Variants in ZC4H2 observed in about 807,000 individuals in gnomAD.
The protein encoded by ZC4H2 is zinc finger C4H2 domain-containing protein.
For synonymous variants in ZC4H2, 84 were observed against 66.3 expected (o/e 1.27, Z -1.30); for missense variants, 137 against 173.9 (o/e 0.79, Z 1.19).
intron 1 of ZC4H2, among the ~76,000 whole-genome samples, chrX:64,950,701 T>C (rs1490001692): frequency 1.8e-5 from 2 of 111,214 alleles, no homozygotes; most frequent in South Asian, 3.8e-4. Context: ...ATTTGCTTGG[T>C]AGATCTTCCT....
At chrX:64,927,538 G>A (rs775065365) in intron 1 of ZC4H2, among the ~76,000 whole-genome samples, 67 of 112,001 alleles carry the variant, frequency 6.0e-4, no homozygotes, top group African/African-American at 2.1e-3. Flanking sequence ...TTACTGATGG[G>A]CATTTGGGTT....
intron 1 of ZC4H2, among the ~76,000 whole-genome samples, chrX:64,994,793 C>T (rs1266951337): frequency 9.0e-6 from 1 of 111,227 alleles, no homozygotes; most frequent in Admixed American, 9.6e-5. Flanking sequence ...TAATCCTAGT[C>T]CCTTATTTGT....
chrX:65,013,488 G>T (rs1932777938), intron 1 of ZC4H2, among the ~76,000 whole-genome samples: 1 of 111,249 alleles, frequency 9.0e-6, no homozygotes, highest in African/African-American at 3.3e-5. Flanking sequence ...CTTGCTAGCA[G>T]ACTCTCTTTA....
At chrX:64,990,497 G>T (rs1401321160) in intron 1 of ZC4H2, among the ~76,000 whole-genome samples, 1 of 111,400 alleles carries the variant, frequency 9.0e-6, no homozygotes, top group Non-Finnish European at 1.9e-5. Flanking sequence ...TTCTGCAAGG[G>T]GTTACTATTG....
intron 3 of ZC4H2, 162 bp from the exon 4 acceptor site, chrX:64,919,366 C>T (rs1929078493): frequency 1.9e-6 from 1 of 513,557 alleles, no homozygotes; most frequent in Non-Finnish European, 3.1e-6. Context: ...GTACTAGGCC[C>T]AATGTCTGAT....
At chrX:64,984,550 C>T (rs988954331) in intron 1 of ZC4H2, among the ~76,000 whole-genome samples, 6 of 111,215 alleles carry the variant, frequency 5.4e-5, no homozygotes, top group Non-Finnish European at 1.1e-4. Flanking sequence ...AGCCAGTTTA[C>T]TTCTCTGGGT....
At chrX:65,012,319 T>C (rs1932763879) in intron 1 of ZC4H2, among the ~76,000 whole-genome samples, 1 of 110,206 alleles carries the variant, frequency 9.1e-6, no homozygotes, top group Non-Finnish European at 1.9e-5. Flanking sequence ...TTGCAATCTT[T>C]AAGTCACATG....
chrX:64,973,496 T>C, intron 1 of ZC4H2, among the ~76,000 whole-genome samples: 1 of 109,731 alleles, frequency 9.1e-6, no homozygotes, highest in East Asian at 2.8e-4. Flanking sequence ...AATATAAATG[T>C]GTTAAATATT....
At chrX:64,974,943 C>T (rs1465242641) in intron 1 of ZC4H2, among the ~76,000 whole-genome samples, 1 of 89,124 alleles carries the variant, frequency 1.1e-5, no homozygotes, top group Non-Finnish European at 2.1e-5. Flanking sequence ...TAAGGTGTCT[C>T]ACTTTCTAGC....
chrX:64,987,840 C>A (rs771620728), intron 1 of ZC4H2, among the ~76,000 whole-genome samples: 25 of 105,050 alleles, frequency 2.4e-4, no homozygotes, highest in African/African-American at 8.7e-4. Context: ...CCCATTAACT[C>A]ATCATTTAAC....
At chrX:64,963,402 C>A (rs1181409562) in intron 1 of ZC4H2, among the ~76,000 whole-genome samples, 2 of 111,629 alleles carry the variant, frequency 1.8e-5, no homozygotes, top group Non-Finnish European at 3.8e-5. Context: ...ACACCAAAAG[C>A]ACAGGCAACA....
At chrX:65,024,856 T>C (rs182777273) in intron 1 of ZC4H2, among the ~76,000 whole-genome samples, 314 of 111,649 alleles carry the variant, frequency 2.8e-3, no homozygotes, top group African/African-American at 8.9e-3. Flanking sequence ...GACATGAATG[T>C]AACCATGAGA....
At position 64,918,495 on chromosome X, in the gene ZC4H2, T is replaced by A. The variant is rs998946156; in HGVS notation, c.561+547A>T. ...TTTGTTTGACTATTTACCAATTGAT[T>A]AGGACCCAGGCTCTGTGATGTTACA... is the stretch of plus-strand genomic sequence containing the variant. On this transcript the variant is annotated intron_variant, in intron 4 of 4. Coordinates refer to ENST00000374839, the MANE Select transcript of ZC4H2 (RefSeq NM_018684.4). The A allele has an allele frequency of 2.6e-5, 3 of 113,749 alleles. No homozygotes were observed. The Admixed American group carries it at 2.7e-4, about 10-fold the overall frequency. 9.4% of individuals were successfully genotyped at this position (113,749 alleles called of 1,213,427 possible).
intron 1 of ZC4H2, among the ~76,000 whole-genome samples, chrX:64,929,743 C>G (rs763103740): frequency 9.0e-6 from 1 of 111,399 alleles, no homozygotes; most frequent in Admixed American, 9.5e-5. Context: ...ATTTTTATAC[C>G]ATTACCATGC....
chrX:64,962,031 G>A (rs1017212388), intron 1 of ZC4H2, among the ~76,000 whole-genome samples: 1 of 111,354 alleles, frequency 9.0e-6, no homozygotes, highest in African/African-American at 3.3e-5. Context: ...TTCCAAAAAA[G>A]TGAAGAGGCG....
intron 1 of ZC4H2, among the ~76,000 whole-genome samples, chrX:64,949,606 C>T (rs6653137): frequency 0.24 from 26,811 of 111,064 alleles, 7,705 homozygotes; most frequent in African/African-American, 0.83. Context: ...ATTAACTTTC[C>T]TCAGGTTATA....
At chrX:64,930,570 TATAAAAAAGGGATAATTTTATCAG>T (rs1929694405) in intron 1 of ZC4H2, among the ~76,000 whole-genome samples, 1 of 111,923 alleles carries the variant, frequency 8.9e-6, no homozygotes, top group Non-Finnish European at 1.9e-5. Flanking sequence ...TGAGTGTTTT[TATAAAAAAGGGATAATTTTATCAG>T]ATGCTTTTTC....
At chrX:65,004,797 G>C (rs1418061475) in intron 1 of ZC4H2, among the ~76,000 whole-genome samples, 2 of 112,017 alleles carry the variant, frequency 1.8e-5, no homozygotes, top group African/African-American at 6.5e-5. Flanking sequence ...AATTGTCTCT[G>C]TTTACAGATG....
Position 64,999,039 on chromosome X carries a change from G to GTTTTTTTTTTTTTT in ZC4H2, c.-272+35576_-272+35589dup, listed in dbSNP as rs58094683. Among the ~76,000 whole-genome samples, 20 of 11,861 alleles carry GTTTTTTTTTTTTTT rather than the reference G, an allele frequency of 1.7e-3. 1 individual carries two copies. Among genetic ancestry groups the GTTTTTTTTTTTTTT allele is most frequent in the East Asian group, 3.9e-3 (1 of 258 alleles). 10.3% of individuals were successfully genotyped at this position (11,861 alleles called of 115,157 possible). ...TAGACAGCATACAGTTGGATTATGTGTTTTTTTTTTTTTTTTTTTTTTTTT... is the reference window on the plus strand; with the variant it reads ...TAGACAGCATACAGTTGGATTATGTGTTTTTTTTTTTTTTTTTTTTTTTTTTTTTTTTTTTTTTT... On this transcript the variant is annotated intron_variant, in intron 1 of 4. Coordinates refer to the ZC4H2 transcript ENST00000337990.
Sources: gnomAD v4.1 joint callset for allele counts (sites outside exome capture counted in the v4.1 genomes callset) on GRCh38, gnomAD v4.1.1 for gene constraint, MANE v1.5 for transcripts, NCBI Gene and HGNC (gene_info 2026-07-23, HGNC 2026-07-21) for gene names.